POLI: variants seen among roughly 807,000 people sequenced by gnomAD.
The protein encoded by POLI is DNA polymerase iota.
Under a neutral mutation model 51.6 loss-of-function variants are expected in POLI, and 58 were observed. The observed-to-expected ratio is 1.12, with a 90% CI of 0.91 to 1.40. The LOEUF is 1.40. Ranked by LOEUF, POLI falls within the 40% of genes most tolerant of loss-of-function variation. The pLI is 0.00. For synonymous variants in POLI, 322 were observed against 299.7 expected (o/e 1.07, Z -0.77); for missense variants, 921 against 871.3 (o/e 1.06, Z -0.72).
At chr18:54,272,147 GC>G (rs1269263584) in intron 2 of POLI, 9 of 152,166 alleles carry the variant, frequency 5.9e-5, no homozygotes, top group African/African-American at 1.9e-4. Flanking sequence ...TTCACTTGCT[GC>G]TACCCTCTTG....
At position 54,270,716 on chromosome 18, in the gene POLI, C is replaced by CG. The variant is rs111646212; in HGVS notation, c.116-644_116-643insG. On this transcript the variant is annotated intron_variant, in intron 1 of 9. Transcript: ENST00000579534. ...CCAGTGTTGAGAGAAGGAGTCGCCT[C>CG]TGTCATTCCCTCCCCGACAAATAAT... 88 of 152,290 alleles carry CG rather than the reference C, an allele frequency of 5.8e-4. 1 individual carries two copies. Among genetic ancestry groups the CG allele is most frequent in the African/African-American group, 2.0e-3 (83 of 41,566 alleles). 9.4% of individuals were successfully genotyped at this position (152,290 alleles called of 1,614,324 possible). A position where few individuals can be genotyped will look rare whatever the true frequency, so the allele number is the denominator to read the frequency against.
chr18:54,280,975 C>G, intron 5 of POLI, 72 bp downstream of exon 5: 2 of 784,056 alleles, frequency 2.6e-6, no homozygotes, highest in Non-Finnish European at 2.0e-6. Flanking sequence ...ATTATAGATA[C>G]AATGTAATTA....
chr18:54,312,393 T>C (rs1303769075), intron 3 of POLI, among the ~76,000 whole-genome samples: 1 of 152,172 alleles, frequency 6.6e-6, no homozygotes, highest in African/African-American at 2.4e-5. Context: ...TTCATATGTC[T>C]TTGCTCTTGT....
At chr18:54,272,754 G>A (rs2087063170) in intron 2 of POLI, among the ~76,000 whole-genome samples, 1 of 151,564 alleles carries the variant, frequency 6.6e-6, no homozygotes, top group Non-Finnish European at 1.5e-5. Flanking sequence ...CTACAGACGT[G>A]AGCCACCGTG....
intron 3 of POLI, among the ~76,000 whole-genome samples, chr18:54,303,760 CT>C (rs111293093): frequency 0.073 from 10,099 of 138,988 alleles, 360 homozygotes; most frequent in African/African-American, 0.09. Context: ...GTTCATTTTT[CT>C]TTTTTTTTTT....
At chr18:54,290,333 A>G (rs954779764) in intron 8 of POLI, among the ~76,000 whole-genome samples, 4 of 152,162 alleles carry the variant, frequency 2.6e-5, no homozygotes, top group South Asian at 2.1e-4. Context: ...GAAACAACAG[A>G]TGCTGGAGAG....
intron 8 of POLI, among the ~76,000 whole-genome samples, chr18:54,289,981 A>G (rs2087927425): frequency 6.6e-6 from 1 of 152,230 alleles, no homozygotes; most frequent in Non-Finnish European, 1.5e-5. Flanking sequence ...GACAGATGGG[A>G]CCTAATTAAA....
In POLI at chr18:54,294,024, G is replaced by C. The variant is rs2088162801; in HGVS notation, c.1780G>C (p.Val594Leu). 3 of 1,613,408 alleles carry C rather than the reference G, an allele frequency of 1.9e-6. No homozygotes were observed. The highest frequency in any genetic ancestry group is 2.7e-5 in the African/African-American group (2 of 75,002). ...PRDHLSSSKQ[V>L]SSVSPCEPGT... ...AGATCATTTATCCAGTAGCAAACAG[G>C]TATCCTCTGTATCTCCTTGTGAACC... Residue 594 changes from valine (V) to leucine (L), a missense_variant, in exon 10 of 10, where the codon GTA becomes CTA. Physicochemically the swap from Val to Leu is conservative, Grantham distance 32. Transcript: ENST00000579534.
At chr18:54,278,202 C>T (rs1225188284) in intron 4 of POLI, among the ~76,000 whole-genome samples, 1 of 152,144 alleles carries the variant, frequency 6.6e-6, no homozygotes, top group East Asian at 1.9e-4. Context: ...TGGAGCGCCC[C>T]TGTAGTCCCA....
rs900963261 is a variant in POLI, at chr18:54,294,088, T to G, written c.1844T>G (p.Met615Arg). The change falls in exon 10 of 10, where the codon ATG (methionine) becomes AGG (arginine). Residue 615 changes from methionine to arginine, a missense_variant. Coordinates refer to ENST00000579534, the MANE Select transcript of POLI (RefSeq NM_007195.3). ...SGFNSSSSSYMSSQKDYSYYL... is the reference protein window; with the variant it reads ...SGFNSSSSSYRSSQKDYSYYL... ...TTTAATAGCAGTAGTTCTTCTTACA[T>G]GTCTAGCCAAAAGGATTATTCATAT... 3.1e-6 allele frequency: 5 copies of G among 1,610,036 alleles called. No homozygotes were observed. The Admixed American group carries it at 6.7e-5, about 21-fold the overall frequency.
rs2088229508 is a variant in POLI, at chr18:54,294,827, T to G, written c.*360T>G. 1.0e-6 allele frequency: 1 copy of G among 988,070 alleles called. No individual in the cohort carries two copies. Among genetic ancestry groups the G allele is most frequent in the Non-Finnish European group, 1.2e-6 (1 of 831,512 alleles). 61.2% of individuals were successfully genotyped at this position (988,070 alleles called of 1,614,324 possible). A position where few individuals can be genotyped will look rare whatever the true frequency, so the allele number is the denominator to read the frequency against. On this transcript the variant is annotated 3_prime_UTR_variant, in exon 10 of 10. Transcript: ENST00000579534. ...TGGTAAAGGACACATTTTTTTTTTTTTTTTCCTGTGAAATGTGGAATATCT... is the reference window on the plus strand; with the variant it reads ...TGGTAAAGGACACATTTTTTTTTTTGTTTTCCTGTGAAATGTGGAATATCT...
At chr18:54,316,918 C>T (rs761540531) in intron 3 of POLI, among the ~76,000 whole-genome samples, 22 of 151,982 alleles carry the variant, frequency 1.4e-4, no homozygotes, top group Non-Finnish European at 2.5e-4. Flanking sequence ...TATTTGCAAG[C>T]GGAAGTTAAA....
At chr18:54,283,860 T>C (rs2087625131) in intron 6 of POLI, 62 bp from the exon 7 acceptor site, 1 of 633,256 alleles carries the variant, frequency 1.6e-6, no homozygotes, top group Non-Finnish European at 2.8e-6. Context: ...GACTGTACAC[T>C]GATAATAATT....
intron 3 of POLI, among the ~76,000 whole-genome samples, chr18:54,303,251 A>G (rs532240647): frequency 2.0e-5 from 3 of 152,312 alleles, no homozygotes; most frequent in Admixed American, 2.0e-4. Context: ...AATTAGCTGT[A>G]ATAAATTCAC....
chr18:54,299,516 T>G (rs1347277695), downstream of POLI, among the ~76,000 whole-genome samples: 1 of 152,110 alleles, frequency 6.6e-6, no homozygotes, highest in Admixed American at 6.5e-5. Flanking sequence ...AGTCACCGAA[T>G]GGAATTAACA....
chr18:54,285,375 TAAACCTGTGACATACA>T (rs2087699369), intron 7 of POLI, among the ~76,000 whole-genome samples: 2 of 152,192 alleles, frequency 1.3e-5, no homozygotes, highest in South Asian at 4.1e-4. Flanking sequence ...CCAGGTGCTC[TAAACCTGTGACATACA>T]AAACCTGTGA....
rs749260113 is a variant in POLI, at chr18:54,313,886, T to C, written c.334-6387T>C. On this transcript the variant is annotated intron_variant, in intron 3 of 4. Transcript: ENST00000579823. ...GGGGGTTTCTAGATATATAATCATATTGTCTGCAAACGGGGATAGTTTGAC... is the reference window on the plus strand; with the variant it reads ...GGGGGTTTCTAGATATATAATCATACTGTCTGCAAACGGGGATAGTTTGAC... Among the ~76,000 whole-genome samples the C allele has an allele frequency of 5.6e-4, 85 of 152,170 alleles. 3 individuals are homozygous for C. Among genetic ancestry groups the C allele is most frequent in the South Asian group, 2.1e-4 (1 of 4,836 alleles).
intron 2 of POLI, among the ~76,000 whole-genome samples, chr18:54,272,856 A>AT (rs1451461190): frequency 2.0e-5 from 3 of 151,814 alleles, no homozygotes; most frequent in African/African-American, 4.8e-5. Context: ...TAGCAATCTG[A>AT]TTTTTTATGT....
At chr18:54,293,224 T>G (rs537280268) in intron 9 of POLI, among the ~76,000 whole-genome samples, 1 of 152,084 alleles carries the variant, frequency 6.6e-6, no homozygotes, top group East Asian at 1.9e-4. Flanking sequence ...TTTTTTCTTT[T>G]TGTTAAAAGT....
Sources: gnomAD v4.1 joint callset for allele counts (sites outside exome capture counted in the v4.1 genomes callset) on GRCh38, gnomAD v4.1.1 for gene constraint, MANE v1.5 for transcripts, NCBI Gene and HGNC (gene_info 2026-07-23, HGNC 2026-07-21) for gene names.